Variants in MRTFA observed in about 807,000 individuals in gnomAD.
MRTFA encodes myocardin-related transcription factor A.
Under a neutral mutation model 83.5 loss-of-function variants are expected in MRTFA, and 20 were observed. That is an observed-to-expected ratio of 0.24 (90% CI 0.17 to 0.35). MRTFA has a LOEUF of 0.35. Among genes scored for constraint, MRTFA ranks in the 10% least tolerant of loss-of-function variants. The pLI, the probability that MRTFA is intolerant of heterozygous loss-of-function variation, is 1.00. For synonymous variants in MRTFA, 659 were observed against 541.2 expected, an observed-to-expected ratio of 1.22 and a Z score of -3.02; for missense variants, 1,200 against 1,224.7, an observed-to-expected ratio of 0.98 and a Z score of 0.30.
intron 2 of MRTFA, among the ~76,000 whole-genome samples, chr22:40,589,292 A>G (rs2056081879): frequency 6.6e-6 from 1 of 152,224 alleles, no homozygotes. Context: ...ATCACTGCCT[A>G]CTATGTGACA....
intron 1 of MRTFA, among the ~76,000 whole-genome samples, chr22:40,617,648 AC>A: frequency 6.7e-6 from 1 of 150,254 alleles, no homozygotes; most frequent in South Asian, 2.1e-4. Flanking sequence ...AATGGCATGA[AC>A]CCGGGAGGCG....
At chr22:40,519,485 T>C (rs1382703019) in intron 3 of MRTFA, 28 of 1,344,164 alleles carry the variant, frequency 2.1e-5, no homozygotes, top group Middle Eastern at 2.0e-4. Flanking sequence ...TCTCTTCTCA[T>C]GCTTGCTTAC....
chr22:40,574,301 G>T (rs551406010), intron 2 of MRTFA, among the ~76,000 whole-genome samples: 1 of 152,064 alleles, frequency 6.6e-6, no homozygotes, highest in East Asian at 1.9e-4. Context: ...AACCAACCAC[G>T]GATTGAAAAT....
intron 4 of MRTFA, among the ~76,000 whole-genome samples, chr22:40,459,822 C>CATATACATATATATATATAT (rs1555973786): frequency 7.3e-5 from 5 of 68,264 alleles, no homozygotes; most frequent in African/African-American, 3.2e-4. Flanking sequence ...CACACACACA[C>CATATACATATATATATATAT]ATATATACAT....
chr22:40,481,459 C>T (rs2054088555), intron 3 of MRTFA, among the ~76,000 whole-genome samples: 1 of 152,068 alleles, frequency 6.6e-6, no homozygotes, highest in African/African-American at 2.4e-5. Context: ...GAGGTCCCTG[C>T]CCTCATAGAA....
chr22:40,486,341 T>C (rs1199403322), intron 3 of MRTFA, among the ~76,000 whole-genome samples: 2 of 152,182 alleles, frequency 1.3e-5, no homozygotes. Flanking sequence ...TTGGCAAGAG[T>C]GTTTTGTAAC....
At chr22:40,521,345 A>G (rs2054862440) in intron 3 of MRTFA, among the ~76,000 whole-genome samples, 1 of 152,206 alleles carries the variant, frequency 6.6e-6, no homozygotes, top group Admixed American at 6.5e-5. Context: ...AGAATGTTAT[A>G]TAAATAGAAT....
intron 3 of MRTFA, among the ~76,000 whole-genome samples, chr22:40,470,266 TATATATATATATATAA>T (rs1486837566): frequency 1.1e-4 from 9 of 82,354 alleles, no homozygotes; most frequent in Admixed American, 6.2e-4. Flanking sequence ...TATATATATA[TATATATATATATATAA>T]AGAAACATAA....
intron 1 of MRTFA, among the ~76,000 whole-genome samples, chr22:40,602,165 C>T (rs1413858650): frequency 6.6e-6 from 1 of 152,158 alleles, no homozygotes; most frequent in East Asian, 1.9e-4. Flanking sequence ...CAATCTAGGT[C>T]AAGGTCATTG....
chr22:40,549,483 C>T (rs1411882262), intron 3 of MRTFA, among the ~76,000 whole-genome samples: 1 of 152,160 alleles, frequency 6.6e-6, no homozygotes, highest in Non-Finnish European at 1.5e-5. Context: ...CACTGTATGA[C>T]TCCATTTTTA....
rs754806244 is a variant in MRTFA at position 40,419,014 on chromosome 22, G to T, written c.1724C>A (p.Thr575Asn). 6.2e-7 allele frequency: 1 copy of T among 1,612,776 alleles called. No homozygotes were observed. Among genetic ancestry groups the T allele is most frequent in the Admixed American group, 1.7e-5 (1 of 60,014 alleles). The change falls in exon 12 of 15, where the codon ACC becomes AAC. Residue 575 changes from threonine (T) to asparagine (N), a missense_variant. Around this residue, in one of 2 missense-constraint regions of MRTFA, gnomAD observed 1,107 missense variants for 1,041.8 expected, o/e 1.06. Coordinates refer to ENST00000355630, the MANE Select transcript of MRTFA (RefSeq NM_020831.6). ...AGGTGATGTCACCATCTCACCAAAGGTGTCCCCGGGGGTGGAGTTTTCATC... is the reference window on the plus strand; with the variant it reads ...AGGTGATGTCACCATCTCACCAAAGTTGTCCCCGGGGGTGGAGTTTTCATC...
chr22:40,506,762 C>A (rs780629025), intron 3 of MRTFA, among the ~76,000 whole-genome samples: 2 of 152,172 alleles, frequency 1.3e-5, no homozygotes, highest in Non-Finnish European at 2.9e-5. Context: ...TAATGACCCC[C>A]ATTTATCACC....
At chr22:40,634,593 C>T (rs1243592476) in intron 1 of MRTFA, among the ~76,000 whole-genome samples, 1 of 152,232 alleles carries the variant, frequency 6.6e-6, no homozygotes, top group Admixed American at 6.5e-5. Context: ...GCCTCTCCCA[C>T]TAGACTGTGA....
intron 2 of MRTFA, among the ~76,000 whole-genome samples, chr22:40,572,622 T>G (rs2055812261): frequency 6.6e-6 from 1 of 152,142 alleles, no homozygotes; most frequent in Non-Finnish European, 1.5e-5. Context: ...GTGCTGCTGA[T>G]AAAGACATAC....
intron 5 of MRTFA, among the ~76,000 whole-genome samples, chr22:40,431,784 C>CA (rs111843590): frequency 0.083 from 12,609 of 151,882 alleles, 813 homozygotes; most frequent in East Asian, 0.24. Flanking sequence ...ATATGTCCAG[C>CA]AAAAAACATT....
intron 3 of MRTFA, among the ~76,000 whole-genome samples, chr22:40,466,845 T>C (rs1380110142): frequency 3.9e-5 from 6 of 152,142 alleles, no homozygotes; most frequent in Non-Finnish European, 7.4e-5. Context: ...AACGCAAAAA[T>C]TTAAATTTAT....
intron 1 of MRTFA, among the ~76,000 whole-genome samples, chr22:40,596,389 T>C (rs2056192521): frequency 6.6e-6 from 1 of 152,140 alleles, no homozygotes; most frequent in Non-Finnish European, 1.5e-5. Context: ...TCAACAGATA[T>C]GGTTACATAT....
At chr22:40,498,765 G>A (rs1461070244) in intron 3 of MRTFA, among the ~76,000 whole-genome samples, 1 of 152,118 alleles carries the variant, frequency 6.6e-6, no homozygotes, top group Non-Finnish European at 1.5e-5. Flanking sequence ...CAGGCAGGAT[G>A]ATACAGTGGC....
At chr22:40,594,404 T>A (rs762338544) in intron 2 of MRTFA, among the ~76,000 whole-genome samples, 3 of 152,208 alleles carry the variant, frequency 2.0e-5, no homozygotes, top group Non-Finnish European at 4.4e-5. Flanking sequence ...GGTACATGTG[T>A]AAATTCATGG....
Sources: allele counts gnomAD v4.1 joint callset (sites outside exome capture counted in the v4.1 genomes callset), GRCh38; gene constraint gnomAD v4.1.1; regional missense constraint gnomAD v4.1.1; transcripts MANE v1.5; gene names NCBI Gene and HGNC (gene_info 2026-07-23, HGNC 2026-07-21).